Variants in EPG5 observed in about 807,000 individuals in gnomAD.
EPG5 encodes the protein ectopic P granules protein 5 homolog.
A neutral mutation model predicts 302.7 loss-of-function variants in EPG5; 159 were observed. The ratio of observed to expected loss-of-function variants is 0.53; its 90% CI spans 0.46 to 0.60. The LOEUF (loss-of-function observed/expected upper bound fraction) is 0.60, where lower values mean the gene tolerates loss of function less well. EPG5 is among the 20% of genes least tolerant of loss of function. EPG5 has a pLI of 0.00. For synonymous variants in EPG5, 1,158 were observed against 1,136.8 expected (o/e 1.02, Z -0.37); for missense variants, 2,896 against 3,092.4 (o/e 0.94, Z 1.51).
At chr18:45,813,536 A>C in the EPG5 span, among the ~76,000 whole-genome samples, 26 of 152,364 alleles carry the variant, frequency 1.7e-4, no homozygotes, top group Middle Eastern at 3.4e-3. Flanking sequence ...GCAATGACAG[A>C]CTGGATTAAG....
Position 45,913,786 on chromosome 18 carries a change from C to G in EPG5, c.3736G>C (p.Glu1246Gln). 1 of 1,614,078 alleles carries G rather than the reference C, an allele frequency of 6.2e-7. No homozygotes were observed. Among genetic ancestry groups the G allele is most frequent in the Non-Finnish European group, 8.5e-7 (1 of 1,179,970 alleles). ...WTVLNMESIF[E>Q]EDSQLRRVIE... is the part of the protein sequence containing the mutation. ...ACTCTCCGGAGCTGGGAGTCCTCTT[C>G]AAAGATGGATTCCATGTTGAGCACT... The change falls in exon 21 of 44, where the codon GAA becomes CAA. Residue 1246 changes from glutamate to glutamine, a missense_variant. Glu to Gln is a conservative substitution (Grantham distance 29). Transcript: ENST00000282041.
chr18:45,924,175 A>G (rs2050217835), intron 14 of EPG5, among the ~76,000 whole-genome samples: 1 of 152,198 alleles, frequency 6.6e-6, no homozygotes, highest in African/African-American at 2.4e-5. Flanking sequence ...AATTTCCTAC[A>G]CTATCTTCCT....
At chr18:45,944,857 G>C (rs2050752508) in intron 7 of EPG5, among the ~76,000 whole-genome samples, 1 of 152,194 alleles carries the variant, frequency 6.6e-6, no homozygotes, top group Admixed American at 6.5e-5. Flanking sequence ...TTAAGACGAA[G>C]CAATTGACAT....
rs763286364 is a variant in EPG5 at position 45,880,132 on chromosome 18, C to T, written c.5610G>A (p.Ala1870=). The T allele has an allele frequency of 1.9e-5, 30 of 1,611,476 alleles. No homozygotes were observed. The highest frequency in any genetic ancestry group is 2.2e-5 in the East Asian group (1 of 44,802). The change falls in exon 32 of 44, where the codon GCG becomes GCA. Residue 1870 remains alanine (A), a synonymous_variant. Coordinates refer to ENST00000282041, the MANE Select transcript of EPG5 (RefSeq NM_020964.3). The part of the protein sequence containing the change: ...CCAPSCQQGA[A]STEGAVLPSS... ...TGGGAAGCACGGCGCCCTCGGTGGA[C>T]GCTGCCCCCTGCTGGCAGCTGGGGG...
intron 21 of EPG5, among the ~76,000 whole-genome samples, chr18:45,912,931 T>C (rs568187222): frequency 5.3e-5 from 8 of 151,810 alleles, no homozygotes; most frequent in Admixed American, 5.2e-4. Flanking sequence ...CTACTAAAAA[T>C]AGAAAAATTA....
intron 39 of EPG5, among the ~76,000 whole-genome samples, chr18:45,864,198 G>A (rs545832348): frequency 2.0e-5 from 3 of 151,976 alleles, no homozygotes; most frequent in South Asian, 2.1e-4. Context: ...CTGTGGCCTC[G>A]AACTCCTGGC....
chr18:45,879,297 A>G (rs1427648911), intron 32 of EPG5, 83 bp from the exon 33 acceptor site: 1 of 933,458 alleles, frequency 1.1e-6, no homozygotes, highest in Non-Finnish European at 1.6e-6. Context: ...GGGGGTGTAT[A>G]TAGTAGGTCT....
chr18:45,813,624 A>G, the EPG5 span, among the ~76,000 whole-genome samples: 1 of 152,182 alleles, frequency 6.6e-6, no homozygotes, highest in African/African-American at 2.4e-5. Flanking sequence ...AGGGACGTGG[A>G]TAAAGGTGGA....
At chr18:45,907,394 G>A (rs1349652222) in intron 24 of EPG5, 1 of 152,166 alleles carries the variant, frequency 6.6e-6, no homozygotes, top group Non-Finnish European at 1.5e-5. Context: ...ACAAGTTTTG[G>A]CCTGAAAAAG....
the EPG5 span, among the ~76,000 whole-genome samples, chr18:45,810,878 G>A: frequency 6.6e-6 from 1 of 152,138 alleles, no homozygotes; most frequent in Non-Finnish European, 1.5e-5. Flanking sequence ...GTCAATAAAT[G>A]TGATACAACA....
At chr18:45,811,784 T>G in the EPG5 span, among the ~76,000 whole-genome samples, 3 of 152,190 alleles carry the variant, frequency 2.0e-5, no homozygotes, top group Admixed American at 1.3e-4. Flanking sequence ...ATAAGAGCTA[T>G]TTATGACAAA....
At chr18:45,876,462 T>C (rs1174489201) in intron 34 of EPG5, 120 bp from the exon 35 acceptor site, 1 of 678,200 alleles carries the variant, frequency 1.5e-6, no homozygotes, top group Non-Finnish European at 2.6e-6. Context: ...CTGACACACA[T>C]TTAGAATACT....
the EPG5 span, among the ~76,000 whole-genome samples, chr18:45,824,868 A>G: frequency 6.6e-6 from 1 of 152,116 alleles, no homozygotes; most frequent in African/African-American, 2.4e-5. Context: ...GAAGTCTGCA[A>G]GCTGCTGAAG....
chr18:45,863,032 G>A (rs139561973), intron 39 of EPG5, among the ~76,000 whole-genome samples: 30 of 151,850 alleles, frequency 2.0e-4, no homozygotes, highest in South Asian at 6.2e-4. Context: ...ATGCAACTTC[G>A]GGGCAGAAAT....
intron 9 of EPG5, among the ~76,000 whole-genome samples, chr18:45,940,112 G>C (rs1053945954): frequency 1.3e-5 from 2 of 152,162 alleles, no homozygotes; most frequent in Non-Finnish European, 1.5e-5. Flanking sequence ...TTACTAAAGA[G>C]GGACATTTGA....
rs753312948 is a variant in EPG5, at chr18:45,925,921, A to AT, written c.2554-20dup. ...GAGAAACCTTATTAAAAAGAAAACA[A>AT]TAATCATTAAATAAAGACTTAGAAA... On this transcript the variant is annotated intron_variant, in intron 13 of 43. Transcript: ENST00000282041. 5 of 1,313,446 alleles carry AT rather than the reference A, an allele frequency of 3.8e-6. No homozygotes were observed. Among genetic ancestry groups the AT allele is most frequent in the Non-Finnish European group, 5.0e-6 (5 of 1,005,776 alleles). The allele number at this position is 1,313,446 out of a possible 1,614,324, so 81.4% of individuals were successfully genotyped here.
the EPG5 span, chr18:45,837,975 C>T: frequency 2.1e-6 from 3 of 1,397,096 alleles, no homozygotes; most frequent in East Asian, 9.0e-5. Flanking sequence ...ACGTGGGTGC[C>T]AGGCGCTGTG....
Position 45,849,121 on chromosome 18 carries a change from T to G in EPG5, c.*3346A>C, listed in dbSNP as rs2048392596. ...AAAAAAGACATTGGGGGATTTAGCT[T>G]GGATTTAGCCTAAGAGGTGAGGGGT... is the stretch of plus-strand genomic sequence containing the variant. On this transcript the variant is annotated 3_prime_UTR_variant, in exon 44 of 44. Transcript: ENST00000282041. 6.8e-6 allele frequency: 1 copy of G among 147,666 alleles called. No homozygotes were observed. Among genetic ancestry groups the G allele is most frequent in the Non-Finnish European group, 1.5e-5 (1 of 67,422 alleles). 9.1% of individuals were successfully genotyped at this position (147,666 alleles called of 1,614,324 possible).
chr18:45,901,976 A>C (rs972219794), intron 25 of EPG5, among the ~76,000 whole-genome samples: 8 of 152,190 alleles, frequency 5.3e-5, no homozygotes, highest in Admixed American at 1.3e-4. Flanking sequence ...ACCACACAGC[A>C]GGTGGGGACT....
Sources: allele counts gnomAD v4.1 joint callset (sites outside exome capture counted in the v4.1 genomes callset), GRCh38; gene constraint gnomAD v4.1.1; transcripts MANE v1.5; gene names NCBI Gene and HGNC (gene_info 2026-07-23, HGNC 2026-07-21).